The following APP variants were observed in gnomAD, a reference collection of about 807,000 sequenced individuals.
APP encodes the protein amyloid beta precursor protein.
APP carries 31 observed loss-of-function variants against 101.4 expected under a neutral mutation model. That is an observed-to-expected ratio of 0.31 (90% CI 0.23 to 0.41). The LOEUF is 0.41. Among genes scored for constraint, APP ranks in the 10% least tolerant of loss-of-function variants. The pLI is 1.00. For synonymous variants in APP, 366 were observed against 364.4 expected (o/e 1.00, Z -0.05); for missense variants, 839 against 1,003.7 (o/e 0.84, Z 2.22).
intron 3 of APP, among the ~76,000 whole-genome samples, chr21:26,056,902 G>A (rs567213495): frequency 6.6e-6 from 1 of 152,178 alleles, no homozygotes; most frequent in East Asian, 1.9e-4. Flanking sequence ...ATCAGAAATT[G>A]TAAGCGATTC....
rs759620674 is a variant in APP at position 26,021,844 on chromosome 21, A to C, written c.861T>G (p.Val287=). The change falls in exon 6 of 18, where the codon GTT becomes GTG. Residue 287 remains valine, a synonymous_variant. Transcript: ENST00000346798. ...TTTTESVEEV[V]REVCSEQAET... ...TCCAAGCAAATGGTGGATTACCTCG[A>C]ACCACCTCTTCCACAGACTCTGTGG... is the stretch of plus-strand genomic sequence containing the variant. The C allele has an allele frequency of 6.2e-7, 1 of 1,613,524 alleles. No individual in the cohort carries two copies. The highest frequency in any genetic ancestry group is 1.7e-5 in the Admixed American group (1 of 59,998).
At chr21:26,131,011 C>T (rs550903969) in intron 1 of APP, among the ~76,000 whole-genome samples, 11 of 152,256 alleles carry the variant, frequency 7.2e-5, no homozygotes, top group South Asian at 2.1e-4. Flanking sequence ...AGGTGGATCA[C>T]GTGAGGTCGG....
At chr21:26,022,107 A>AGTCG in intron 5 of APP, 65 bp from the exon 6 acceptor site, 3 of 1,575,344 alleles carry the variant, frequency 1.9e-6, no homozygotes, top group Non-Finnish European at 2.6e-6. Flanking sequence ...GGAAAAGAAA[A>AGTCG]GTCGTCCATA....
chr21:25,938,249 T>C (rs573610907), intron 13 of APP, among the ~76,000 whole-genome samples: 1 of 152,278 alleles, frequency 6.6e-6, no homozygotes, highest in Admixed American at 6.5e-5. Flanking sequence ...TTAATAATGC[T>C]TCATTGTAAT....
intron 3 of APP, among the ~76,000 whole-genome samples, chr21:26,083,164 A>C (rs2146085286): frequency 6.6e-6 from 1 of 152,328 alleles, no homozygotes; most frequent in African/African-American, 2.4e-5. Flanking sequence ...ACCAACTATA[A>C]GATTTGCAAG....
intron 1 of APP, among the ~76,000 whole-genome samples, chr21:26,118,097 C>G (rs2062477111): frequency 6.6e-6 from 1 of 152,154 alleles, no homozygotes; most frequent in South Asian, 2.1e-4. Context: ...TAGATGTTCT[C>G]AAGTTGACCC....
intron 14 of APP, among the ~76,000 whole-genome samples, chr21:25,908,283 T>C (rs1286854121): frequency 3.9e-5 from 6 of 152,214 alleles, no homozygotes; most frequent in South Asian, 2.1e-4. Context: ...TCACAGCACA[T>C]TGGAAAACTC....
intron 1 of APP, among the ~76,000 whole-genome samples, chr21:26,157,320 T>G (rs992596802): frequency 6.6e-6 from 1 of 152,142 alleles, no homozygotes; most frequent in South Asian, 2.1e-4. Flanking sequence ...TCCACCCACC[T>G]CAGTCTCCCG....
At chr21:26,089,895 C>T in intron 3 of APP, 48 bp downstream of exon 3, 1 of 1,612,500 alleles carries the variant, frequency 6.2e-7, no homozygotes, top group Non-Finnish European at 8.5e-7. Context: ...TTTCTTCCCT[C>T]AAGACCAGGC....
intron 5 of APP, among the ~76,000 whole-genome samples, chr21:26,049,011 C>A (rs2146897034): frequency 6.6e-6 from 1 of 152,240 alleles, no homozygotes; most frequent in East Asian, 1.9e-4. Context: ...CAGGCTGAAG[C>A]CATGTAAGAG....
chr21:26,046,639 A>C (rs2045622428), intron 5 of APP, among the ~76,000 whole-genome samples: 1 of 152,168 alleles, frequency 6.6e-6, no homozygotes, highest in African/African-American at 2.4e-5. Flanking sequence ...AACCTAAAAG[A>C]ATACATCGAT....
At chr21:25,904,699 AG>A (rs1174078185) in intron 15 of APP, among the ~76,000 whole-genome samples, 1 of 152,058 alleles carries the variant, frequency 6.6e-6, no homozygotes, top group Non-Finnish European at 1.5e-5. Context: ...TTTTAAGGAC[AG>A]GCTGTATATA....
At chr21:26,064,672 C>G (rs187485424) in intron 3 of APP, among the ~76,000 whole-genome samples, 1 of 152,050 alleles carries the variant, frequency 6.6e-6, no homozygotes, top group Admixed American at 6.5e-5. Context: ...CATTTAACAC[C>G]CTCCCCCTAA....
chr21:26,079,808 C>A (rs1375013155), intron 3 of APP, among the ~76,000 whole-genome samples: 1 of 152,128 alleles, frequency 6.6e-6, no homozygotes, highest in Non-Finnish European at 1.5e-5. Context: ...TCCCTATATA[C>A]ACTGTATATG....
chr21:26,094,915 AGCT>A (rs1370201199), intron 2 of APP, among the ~76,000 whole-genome samples: 9 of 151,720 alleles, frequency 5.9e-5, no homozygotes, highest in Non-Finnish European at 1.2e-4. Flanking sequence ...GTGCAATCTC[AGCT>A]CACTGTAACC....
intron 1 of APP, among the ~76,000 whole-genome samples, chr21:26,139,530 A>G (rs1428800452): frequency 1.3e-5 from 2 of 152,308 alleles, no homozygotes; most frequent in South Asian, 4.1e-4. Flanking sequence ...TACTATGGCT[A>G]ATTCTTGCAA....
At chr21:26,047,549 G>T (rs1478288181) in intron 5 of APP, among the ~76,000 whole-genome samples, 1 of 152,146 alleles carries the variant, frequency 6.6e-6, no homozygotes, top group African/African-American at 2.4e-5. Flanking sequence ...TACAGGAAAA[G>T]AAGTTAAAAA....
Position 25,975,119 on chromosome 21 carries a change from C to T in APP, c.1409G>A (p.Arg470His), listed in dbSNP as rs182162117. Residue 470 changes from arginine to histidine, a missense_variant, in exon 11 of 18, where the codon CGC becomes CAC. Transcript: ENST00000346798. Reference sequence around the variant, plus strand: ...GGTGATGTAGTTCTCCAGGGCCAGGCGGCGGCGGTCATTGAGCATGGCTTC... The same window carrying T: ...GGTGATGTAGTTCTCCAGGGCCAGGTGGCGGCGGTCATTGAGCATGGCTTC... ...RVEAMLNDRRRLALENYITAL... is the reference protein window; with the variant it reads ...RVEAMLNDRRHLALENYITAL... 10 of 1,614,002 alleles carry T rather than the reference C, an allele frequency of 6.2e-6. No individual in the cohort carries two copies. The highest frequency in any genetic ancestry group is 1.6e-4 in the Middle Eastern group (1 of 6,062).
intron 15 of APP, among the ~76,000 whole-genome samples, chr21:25,902,472 A>T (rs2038555338): frequency 1.4e-5 from 2 of 146,246 alleles, no homozygotes; most frequent in African/African-American, 2.5e-5. Context: ...TCATAGACAA[A>T]CCTTAACTAG....
Sources: allele counts gnomAD v4.1 joint callset (sites outside exome capture counted in the v4.1 genomes callset), GRCh38; gene constraint gnomAD v4.1.1; transcripts MANE v1.5; gene names NCBI Gene and HGNC (gene_info 2026-07-23, HGNC 2026-07-21).